CATSPERD: variants seen among roughly 807,000 people sequenced by gnomAD.
CATSPERD encodes the protein cation channel sperm-associated auxiliary subunit delta.
In CATSPERD, 86 loss-of-function variants were observed where a neutral mutation model predicts 98.1. The ratio of observed to expected loss-of-function variants is 0.88; its 90% CI spans 0.74 to 1.05. The LOEUF is 1.05. Ranked by LOEUF, CATSPERD falls within the 50% of genes least tolerant of loss-of-function variation. The pLI is 0.00. For missense variants in CATSPERD, 995 were observed against 1,005.7 expected (o/e 0.99, Z 0.14); for synonymous variants, 394 against 390.2 (o/e 1.01, Z -0.12).
rs749995200 is a variant in CATSPERD at position 5,737,209 on chromosome 19, A to C, written c.459+4A>C. On this transcript the variant is annotated splice_donor_region_variant and intron_variant, in intron 6 of 21. Coordinates refer to ENST00000381624, the MANE Select transcript of CATSPERD (RefSeq NM_152784.4). ...TACTGGAAGTTTGTTTTGTGTGGTAAGTATAAGTGTATAATTGTTCATTTT... is the reference window on the plus strand; with the variant it reads ...TACTGGAAGTTTGTTTTGTGTGGTACGTATAAGTGTATAATTGTTCATTTT... The C allele has an allele frequency of 5.7e-6, 9 of 1,589,538 alleles. No individual in the cohort carries two copies. In the South Asian group the frequency reaches 8.8e-5, roughly 16 times the overall value.
chr19:5,736,158 C>T (rs1440075396), intron 5 of CATSPERD, among the ~76,000 whole-genome samples: 1 of 151,908 alleles, frequency 6.6e-6, no homozygotes, highest in Non-Finnish European at 1.5e-5. Flanking sequence ...GAGATCCGCC[C>T]ACCTCTGCCT....
intron 16 of CATSPERD, among the ~76,000 whole-genome samples, chr19:5,764,338 C>T (rs557134650): frequency 9.3e-5 from 14 of 151,168 alleles, no homozygotes; most frequent in Admixed American, 2.0e-4. Context: ...TTTTTTGAGA[C>T]GGAGTCTCAC....
intron 13 of CATSPERD, among the ~76,000 whole-genome samples, chr19:5,756,684 C>T (rs767890851): frequency 4.6e-5 from 7 of 152,132 alleles, no homozygotes; most frequent in Non-Finnish European, 8.8e-5. Flanking sequence ...GTGGCTCACA[C>T]CTGTAATCCC....
intron 11 of CATSPERD, 23 bp downstream of exon 11, chr19:5,749,206 T>C: frequency 6.3e-7 from 1 of 1,583,082 alleles, no homozygotes; most frequent in East Asian, 2.3e-5. Context: ...AAAGTGGGGT[T>C]ATGGGCTGGG....
chr19:5,749,181 A>G lies in CATSPERD; in HGVS notation c.985A>G (p.Lys329Glu), dbSNP rs772017009. The G allele has an allele frequency of 3.1e-6, 5 of 1,610,016 alleles. No individual in the cohort carries two copies. The highest frequency in any genetic ancestry group is 4.2e-6 in the Non-Finnish European group (5 of 1,177,582). ...NLGIVPSSIIKFADQYIWSED... is the reference protein window; with the variant it reads ...NLGIVPSSIIEFADQYIWSED... ...GGGCATCGTGCCAAGTTCCATAATC[A>G]AAGTAGGTAAAAAGAAAGTGGGGTT... is the stretch of plus-strand genomic sequence containing the variant. The change falls in exon 11 of 22, where the codon AAA becomes GAA. Residue 329 changes from lysine (K) to glutamate (E), a missense_variant and splice_region_variant. Physicochemically the swap from Lys to Glu is moderately conservative, Grantham distance 56. Around this residue, in one of 3 missense-constraint regions of CATSPERD, gnomAD observed 762 missense variants for 773.7 expected, o/e 0.98. Transcript: ENST00000381624.
intron 5 of CATSPERD, among the ~76,000 whole-genome samples, chr19:5,734,944 C>G (rs186990494): frequency 6.6e-6 from 1 of 151,884 alleles, no homozygotes; most frequent in Non-Finnish European, 1.5e-5. Context: ...ACACTTCTCA[C>G]GAGGGCTAGG....
intron 11 of CATSPERD, 116 bp from the exon 12 acceptor site, chr19:5,751,531 C>CAAAAAAAA (rs57266365): frequency 6.4e-6 from 1 of 155,742 alleles, no homozygotes; most frequent in African/African-American, 6.1e-5. Context: ...GAGACTCCAT[C>CAAAAAAAA]AAAAAAAAAA....
chr19:5,753,348 C>A (rs2056258843), intron 12 of CATSPERD, among the ~76,000 whole-genome samples: 1 of 151,700 alleles, frequency 6.6e-6, no homozygotes, highest in African/African-American at 2.4e-5. Context: ...ATCACAAGGT[C>A]AGGAGATCGA....
intron 3 of CATSPERD, among the ~76,000 whole-genome samples, chr19:5,728,119 G>A (rs1365496853): frequency 2.6e-5 from 4 of 151,640 alleles, no homozygotes; most frequent in Non-Finnish European, 5.9e-5. Flanking sequence ...CAGCACTTTG[G>A]GAGGCCGAGG....
intron 7 of CATSPERD, among the ~76,000 whole-genome samples, chr19:5,740,721 C>T (rs975920652): frequency 4.3e-5 from 6 of 140,590 alleles, no homozygotes; most frequent in Non-Finnish European, 9.0e-5. Flanking sequence ...GCCAAGATTG[C>T]GGCACTGCAC....
intron 4 of CATSPERD, among the ~76,000 whole-genome samples, chr19:5,733,291 G>A (rs1006026949): frequency 6.8e-6 from 1 of 147,878 alleles, no homozygotes; most frequent in South Asian, 2.1e-4. Context: ...ACTGCGCCTG[G>A]TCTCTTTCTT....
chr19:5,753,421 G>A (rs1428190746), intron 12 of CATSPERD: 1 of 164,082 alleles, frequency 6.1e-6, no homozygotes, highest in East Asian at 1.9e-4. Flanking sequence ...AATTAGCTGG[G>A]CGTGGTGGTG....
rs369818912 is a variant in CATSPERD at position 5,772,793 on chromosome 19, G to A, written c.1769G>A (p.Arg590Gln). The change falls in exon 20 of 22, where the codon CGA becomes CAA. Residue 590 changes from arginine (R) to glutamine (Q), a missense_variant. Transcript: ENST00000381624. ...TLWKPVVELW[R>Q]KDSFQEVIDA... ...GCCCCGTGCCTGTGTCCTAGGTGGC[G>A]AAAAGACAGTTTCCAGGAGGTCATC... 20 of 1,613,594 alleles carry A rather than the reference G, an allele frequency of 1.2e-5. No homozygotes were observed. Among genetic ancestry groups the A allele is most frequent in the East Asian group, 2.2e-5 (1 of 44,866 alleles).
Position 5,749,101 on chromosome 19 carries a change from C to A in CATSPERD, c.905C>A (p.Thr302Asn), listed in dbSNP as rs1326757091. The change falls in exon 11 of 22, where the codon ACT (threonine) becomes AAT (asparagine). Residue 302 changes from threonine (T) to asparagine (N), a missense_variant and splice_region_variant. Physicochemically the swap from Thr to Asn is moderately conservative, Grantham distance 65 (BLOSUM62 0). Coordinates refer to ENST00000381624, the MANE Select transcript of CATSPERD (RefSeq NM_152784.4). The stretch of plus-strand genomic sequence containing the variant: ...TTTTGTCTTGTTTTGTTTTTCCCAG[C>A]TGAAAATGAACTGGCAGTTATAACT... ...AKITIHNIAV[T>N]ENELAVITRE... 1.9e-6 allele frequency: 3 copies of A among 1,610,822 alleles called. No individual in the cohort carries two copies. Among genetic ancestry groups the A allele is most frequent in the East Asian group, 2.2e-5 (1 of 44,740 alleles).
At chr19:5,760,196 C>T (rs754832723) in intron 15 of CATSPERD, among the ~76,000 whole-genome samples, 46 of 150,136 alleles carry the variant, frequency 3.1e-4, no homozygotes, top group Non-Finnish European at 5.2e-4. Context: ...GTCAAGAGAT[C>T]GAGACCAGCC....
Position 5,772,323 on chromosome 19 carries a change from G to A in CATSPERD, c.1764-465G>A, listed in dbSNP as rs557074460. The A allele has an allele frequency of 5.8e-3, 1,379 of 236,486 alleles. 18 individuals are homozygous for A. Among genetic ancestry groups the A allele is most frequent in the Non-Finnish European group, 7.4e-3 (870 of 117,474 alleles). The allele number at this position is 236,486 out of a possible 1,614,324, so 14.6% of individuals were successfully genotyped here. A position where few individuals can be genotyped will look rare whatever the true frequency, so the allele number is the denominator to read the frequency against. Reference sequence around the variant, plus strand: ...GCTCACCGCAAGCTCTGCCTCCCGGGTTCACGCCATTCTCCTGCCTCAGCC... The same window carrying A: ...GCTCACCGCAAGCTCTGCCTCCCGGATTCACGCCATTCTCCTGCCTCAGCC... On this transcript the variant is annotated intron_variant, in intron 19 of 21. Transcript: ENST00000381624.
chr19:5,746,127 G>A, intron 9 of CATSPERD, 64 bp downstream of exon 9: 1 of 1,579,290 alleles, frequency 6.3e-7, no homozygotes, highest in South Asian at 1.1e-5. Context: ...GCCGAGTACA[G>A]CCTGGATAAG....
chr19:5,731,570 T>TTG (rs1216126704), intron 4 of CATSPERD, among the ~76,000 whole-genome samples: 1 of 117,404 alleles, frequency 8.5e-6, no homozygotes, highest in East Asian at 2.3e-4. Context: ...GTTTTTTTTT[T>TTG]TTTTTTTTTT....
intron 9 of CATSPERD, among the ~76,000 whole-genome samples, chr19:5,746,590 G>A (rs371455565): frequency 2.0e-5 from 3 of 151,814 alleles, no homozygotes; most frequent in South Asian, 2.1e-4. Context: ...CACCATGCCC[G>A]GCTAATTTTT....
Sources: allele counts gnomAD v4.1 joint callset (sites outside exome capture counted in the v4.1 genomes callset), GRCh38; gene constraint gnomAD v4.1.1; regional missense constraint gnomAD v4.1.1; transcripts MANE v1.5; gene names NCBI Gene and HGNC (gene_info 2026-07-23, HGNC 2026-07-21).